The following ESRRB variants were observed in gnomAD, a reference collection of about 807,000 sequenced individuals.
The protein encoded by ESRRB is estrogen related receptor beta, also known as steroid hormone receptor ERR2.
ESRRB carries 16 observed loss-of-function variants against 46.0 expected under a neutral mutation model. The observed-to-expected ratio is 0.35, with a 90% CI of 0.24 to 0.53. The LOEUF is 0.53. Ranked by LOEUF, ESRRB falls within the 20% of genes least tolerant of loss-of-function variation. The pLI, the probability that ESRRB is intolerant of heterozygous loss-of-function variation, is 0.93. For synonymous variants in ESRRB, 246 were observed against 259.6 expected (o/e 0.95, Z 0.50); for missense variants, 488 against 607.4 (o/e 0.80, Z 2.07).
intron 1 of ESRRB, among the ~76,000 whole-genome samples, chr14:76,390,217 G>C (rs779732440): frequency 6.6e-6 from 1 of 152,180 alleles, no homozygotes; most frequent in Non-Finnish European, 1.5e-5. Context: ...GGCTGAGTGC[G>C]GTGGCTCACG....
chr14:76,428,754 T>C lies in ESRRB; in HGVS notation c.51-10587T>C, dbSNP rs370452471. 5.9e-5 allele frequency among the ~76,000 whole-genome samples: 9 copies of C among 152,336 alleles called. No individual in the cohort carries two copies. In the East Asian group the frequency reaches 1.5e-3, roughly 26 times the overall value. On this transcript the variant is annotated intron_variant, in intron 1 of 6. Coordinates refer to ENST00000644823, the MANE Select transcript of ESRRB (RefSeq NM_001379180.1). ...TAGAGCCTCTCTCTTCTCATTGTGA[T>C]GCCTGCAGCCTGGAAAATCATGGAT...
At chr14:76,437,757 A>G (rs1887736467) in intron 1 of ESRRB, among the ~76,000 whole-genome samples, 1 of 152,058 alleles carries the variant, frequency 6.6e-6, no homozygotes, top group East Asian at 1.9e-4. Flanking sequence ...ACACACCTTA[A>G]TCTCCCAGGT....
At chr14:76,389,228 C>G (rs778361385) in intron 1 of ESRRB, among the ~76,000 whole-genome samples, 10 of 152,182 alleles carry the variant, frequency 6.6e-5, no homozygotes, top group African/African-American at 1.2e-4. Flanking sequence ...CAGGTATCCC[C>G]CTCTGTGTGG....
chr14:76,424,239 G>A (rs1286280601), intron 1 of ESRRB, among the ~76,000 whole-genome samples: 1 of 152,202 alleles, frequency 6.6e-6, no homozygotes, highest in African/African-American at 2.4e-5. Flanking sequence ...GATCAGAACA[G>A]GGTTCTCAGC....
At chr14:76,437,192 C>A (rs918641928) in intron 1 of ESRRB, among the ~76,000 whole-genome samples, 1 of 152,234 alleles carries the variant, frequency 6.6e-6, no homozygotes, top group African/African-American at 2.4e-5. Context: ...CCACCATGCC[C>A]GGATAATTTT....
chr14:76,452,884 G>C lies in ESRRB; in HGVS notation c.461-9661G>C, dbSNP rs190165195. Among the ~76,000 whole-genome samples, 5 of 152,336 alleles carry C rather than the reference G, an allele frequency of 3.3e-5. No individual in the cohort carries two copies. The East Asian group carries it at 9.7e-4, about 29-fold the overall frequency. ...ATATTGAGTTTGATCAGTTCACAGA[G>C]ACCCTGGAGAGTTTGGAATTACAGC... On this transcript the variant is annotated intron_variant, in intron 2 of 6. Transcript: ENST00000644823.
At chr14:76,365,162 TG>T (rs1280926515) in intron 1 of ESRRB, among the ~76,000 whole-genome samples, 1 of 152,198 alleles carries the variant, frequency 6.6e-6, no homozygotes, top group Non-Finnish European at 1.5e-5. Flanking sequence ...TGAAGTAACT[TG>T]AGTTCTTTGT....
intron 1 of ESRRB, among the ~76,000 whole-genome samples, chr14:76,419,017 A>G (rs541650875): frequency 1.4e-5 from 2 of 147,726 alleles, no homozygotes; most frequent in East Asian, 2.0e-4. Flanking sequence ...GAGCCTGTAA[A>G]CTTTTTTTTT....
At chr14:76,467,628 C>T (rs1208689693) in intron 3 of ESRRB, among the ~76,000 whole-genome samples, 3 of 151,992 alleles carry the variant, frequency 2.0e-5, no homozygotes, top group Admixed American at 6.6e-5. Flanking sequence ...TGATTTTCTT[C>T]CTAGATTTGT....
upstream of ESRRB, among the ~76,000 whole-genome samples, chr14:76,367,417 T>G (rs903580832): frequency 6.6e-6 from 1 of 151,866 alleles, no homozygotes; most frequent in Non-Finnish European, 1.5e-5. Context: ...ATTAGCTGGA[T>G]GTGGTGGCAC....
chr14:76,352,913 G>C (rs1236884921), intron 1 of ESRRB, among the ~76,000 whole-genome samples: 1 of 152,128 alleles, frequency 6.6e-6, no homozygotes, highest in Non-Finnish European at 1.5e-5. Flanking sequence ...CGCGCCCCTC[G>C]CTGAGCGCTC....
At chr14:76,441,515 T>C (rs1887921380) in intron 2 of ESRRB, among the ~76,000 whole-genome samples, 1 of 152,340 alleles carries the variant, frequency 6.6e-6, no homozygotes, top group African/African-American at 2.4e-5. Context: ...TCTCACCATG[T>C]AGCCCAGGCT....
intron 2 of ESRRB, among the ~76,000 whole-genome samples, chr14:76,454,279 C>T (rs1416689315): frequency 2.0e-5 from 3 of 152,116 alleles, no homozygotes; most frequent in Non-Finnish European, 4.4e-5. Flanking sequence ...ATCTATTCAA[C>T]AGATATTAAT....
At position 76,496,826 on chromosome 14, in the gene ESRRB, C is replaced by A. The variant is rs578217961; in HGVS notation, c.1121-1388C>A. On this transcript the variant is annotated intron_variant, in intron 6 of 6. Coordinates refer to ENST00000644823, the MANE Select transcript of ESRRB (RefSeq NM_001379180.1). Reference sequence around the variant, plus strand: ...ACATCAGAGGCAGACTGTGACCCCACACCATGGCCCCCTGGGAGCCTGCTG... The same window carrying A: ...ACATCAGAGGCAGACTGTGACCCCAAACCATGGCCCCCTGGGAGCCTGCTG... Among the ~76,000 whole-genome samples, 5 of 152,296 alleles carry A rather than the reference C, an allele frequency of 3.3e-5. No individual in the cohort carries two copies. In the East Asian group the frequency reaches 9.7e-4, roughly 29 times the overall value.
chr14:76,497,298 C>T lies in ESRRB; in HGVS notation c.1121-916C>T, dbSNP rs1265847487. Among the ~76,000 whole-genome samples the T allele has an allele frequency of 3.9e-5, 6 of 152,226 alleles. No homozygotes were observed. In the South Asian group the frequency reaches 1.2e-3, roughly 32 times the overall value. ...TCAGCCCTGCAAGGACACTCACCCC[C>T]AGCCTGAGTCCCCACAGGAATAACA... On this transcript the variant is annotated intron_variant, in intron 6 of 6. Coordinates refer to ENST00000644823, the MANE Select transcript of ESRRB (RefSeq NM_001379180.1).
chr14:76,496,330 A>G (rs1890423263), intron 6 of ESRRB, among the ~76,000 whole-genome samples: 1 of 152,226 alleles, frequency 6.6e-6, no homozygotes, highest in Non-Finnish European at 1.5e-5. Flanking sequence ...CAAGGAGGGA[A>G]GAGTAAATTG....
At chr14:76,393,981 T>TTG in intron 1 of ESRRB, among the ~76,000 whole-genome samples, 1 of 149,426 alleles carries the variant, frequency 6.7e-6, no homozygotes, top group East Asian at 1.9e-4. Flanking sequence ...TTTTTTTTTT[T>TTG]TTTTTTGTAT....
chr14:76,436,085 G>A (rs891732546), intron 1 of ESRRB, among the ~76,000 whole-genome samples: 2 of 152,226 alleles, frequency 1.3e-5, no homozygotes, highest in Non-Finnish European at 2.9e-5. Context: ...AGGGCCTGGA[G>A]GTGGGGCCCA....
chr14:76,369,925 A>G (rs1024550497), upstream of ESRRB, among the ~76,000 whole-genome samples: 22 of 152,250 alleles, frequency 1.4e-4, no homozygotes, highest in African/African-American at 5.3e-4. Flanking sequence ...AAATGGAGGC[A>G]TAATCTGTGA....
Sources: allele counts gnomAD v4.1 joint callset (sites outside exome capture counted in the v4.1 genomes callset), GRCh38; gene constraint gnomAD v4.1.1; transcripts MANE v1.5; gene names NCBI Gene and HGNC (gene_info 2026-07-23, HGNC 2026-07-21).